Variants in ASXL2 observed in about 807,000 individuals in gnomAD.
The protein encoded by ASXL2 is ASXL transcriptional regulator 2.
ASXL2 carries 23 observed loss-of-function variants against 122.0 expected under a neutral mutation model. That is an observed-to-expected ratio of 0.19 (90% CI 0.14 to 0.27). The LOEUF is 0.27. Ranked by LOEUF, ASXL2 falls within the 10% of genes least tolerant of loss-of-function variation. ASXL2 has a pLI of 1.00. For missense variants in ASXL2, 1,518 were observed against 1,713.8 expected, an observed-to-expected ratio of 0.89 and a Z score of 2.02; for synonymous variants, 650 against 637.0, an observed-to-expected ratio of 1.02 and a Z score of -0.31.
At chr2:25,801,963 A>C (rs570198743) in intron 4 of ASXL2, among the ~76,000 whole-genome samples, 3 of 152,320 alleles carry the variant, frequency 2.0e-5, no homozygotes, top group African/African-American at 7.2e-5. Context: ...CAGGTTTTCA[A>C]AGGCCTCCAA....
intron 2 of ASXL2, among the ~76,000 whole-genome samples, chr2:25,841,215 G>C (rs1332157056): frequency 6.6e-6 from 1 of 152,182 alleles, no homozygotes; most frequent in Non-Finnish European, 1.5e-5. Flanking sequence ...GGGACTGCTT[G>C]ATCCCAAAAG....
chr2:25,856,797 T>A (rs529538641), intron 1 of ASXL2: 59 of 1,240,782 alleles, frequency 4.8e-5, no homozygotes, highest in Non-Finnish European at 6.6e-5. Flanking sequence ...CCTCTTGGGG[T>A]TGGTGACTGT....
At chr2:25,834,941 GCCTCCC>G (rs2089491472) in intron 3 of ASXL2, among the ~76,000 whole-genome samples, 2 of 152,006 alleles carry the variant, frequency 1.3e-5, no homozygotes, top group Non-Finnish European at 2.9e-5. Context: ...TCCTGTCTCA[GCCTCCC>G]GAGTAGCTGG....
Position 25,742,396 on chromosome 2 carries a change from G to C in ASXL2, c.3941C>G (p.Pro1314Arg), listed in dbSNP as rs570805684. 10 of 1,610,384 alleles carry C rather than the reference G, an allele frequency of 6.2e-6. No homozygotes were observed. The African/African-American group carries it at 8.0e-5, about 13-fold the overall frequency. The change falls in exon 13 of 13, where the codon CCG becomes CGG. Residue 1314 changes from proline (P) to arginine (R), a missense_variant. By Grantham distance (103) the Pro-to-Arg change is moderately radical (BLOSUM62 -2). Transcript: ENST00000435504. ...QPLLLPPLQT[P>R]KLYGSPTQIG... ...CTGGGTGGGGCTTCCATACAACTTC[G>C]GGGTTTGCAGGGGTGGAAGGAGTAG...
rs2087900662 is a variant in ASXL2, at chr2:25,744,223, C to T, written c.2114G>A (p.Gly705Asp). 5 of 1,613,926 alleles carry T rather than the reference C, an allele frequency of 3.1e-6. No homozygotes were observed. The highest frequency in any genetic ancestry group is 1.1e-5 in the South Asian group (1 of 91,088). ...PGGGQGPGEGGEGQTARGGSP... is the reference protein window; with the variant it reads ...PGGGQGPGEGDEGQTARGGSP... The stretch of plus-strand genomic sequence containing the variant: ...GCCTCCTCTAGCAGTCTGCCCTTCA[C>T]CACCCTCTCCTGGACCTTGTCCACC... Residue 705 changes from glycine (G) to aspartate (D), a missense_variant, in exon 13 of 13, where the codon GGT (glycine) becomes GAT (aspartate). Physicochemically the swap from Gly to Asp is moderately conservative, Grantham distance 94. Around this residue, in one of 8 missense-constraint regions of ASXL2, gnomAD observed 48 missense variants for 82.1 expected, o/e 0.58. Coordinates refer to ENST00000435504, the MANE Select transcript of ASXL2 (RefSeq NM_018263.6). The surrounding 1 kb of genome is among the most constrained non-coding windows in gnomAD (Gnocchi z 4.7).
chr2:25,770,421 G>GT (rs946174514), intron 6 of ASXL2, among the ~76,000 whole-genome samples: 5 of 152,096 alleles, frequency 3.3e-5, no homozygotes, highest in African/African-American at 1.2e-4. Flanking sequence ...GATTACAGGC[G>GT]TGAGTCACTG....
intron 5 of ASXL2, among the ~76,000 whole-genome samples, chr2:25,798,109 G>T (rs1017504296): frequency 6.6e-6 from 1 of 152,140 alleles, no homozygotes; most frequent in Non-Finnish European, 1.5e-5. Flanking sequence ...CTTATAAGTG[G>T]GAGCTAAATG....
chr2:25,871,740 C>A (rs1256779235), intron 1 of ASXL2, among the ~76,000 whole-genome samples: 1 of 152,110 alleles, frequency 6.6e-6, no homozygotes, highest in Non-Finnish European at 1.5e-5. Flanking sequence ...TACAGGCATG[C>A]GCCACCCACA....
intron 5 of ASXL2, among the ~76,000 whole-genome samples, chr2:25,796,290 C>T (rs924934836): frequency 2.0e-5 from 3 of 152,174 alleles, no homozygotes; most frequent in African/African-American, 7.2e-5. Flanking sequence ...AGACAACTCA[C>T]CTATCATCAC....
chr2:25,821,226 G>A (rs1418094535), intron 3 of ASXL2, among the ~76,000 whole-genome samples: 4 of 151,864 alleles, frequency 2.6e-5, no homozygotes, highest in African/African-American at 9.7e-5. Context: ...GTGTGGTGGT[G>A]TGTTCCCATA....
At chr2:25,781,394 T>G (rs1004773538) in intron 5 of ASXL2, among the ~76,000 whole-genome samples, 2 of 152,008 alleles carry the variant, frequency 1.3e-5, no homozygotes, top group Admixed American at 1.3e-4. Flanking sequence ...AGCAAAACTG[T>G]CTCAAAAAGA....
intron 9 of ASXL2, among the ~76,000 whole-genome samples, chr2:25,757,227 T>A (rs2088149926): frequency 6.6e-6 from 1 of 152,136 alleles, no homozygotes; most frequent in Admixed American, 6.5e-5. Context: ...CTGACAGTAG[T>A]TTGTATTCCA....
chr2:25,772,645 C>T (rs1476909312), intron 5 of ASXL2, among the ~76,000 whole-genome samples: 2 of 141,934 alleles, frequency 1.4e-5, no homozygotes, highest in South Asian at 2.3e-4. Context: ...GGAAGAGAAT[C>T]GCTTGAACCT....
chr2:25,792,952 A>T (rs1053129593), intron 5 of ASXL2, among the ~76,000 whole-genome samples: 2 of 151,858 alleles, frequency 1.3e-5, no homozygotes, highest in Non-Finnish European at 2.9e-5. Context: ...TTTCAGAAAA[A>T]CATTTAAAAC....
chr2:25,777,206 G>A (rs1190750591), intron 5 of ASXL2, among the ~76,000 whole-genome samples: 1 of 151,992 alleles, frequency 6.6e-6, no homozygotes, highest in African/African-American at 2.4e-5. Context: ...TCCTACCTTC[G>A]CCTCCTGAGT....
chr2:25,839,826 A>G (rs2089556422), intron 2 of ASXL2, among the ~76,000 whole-genome samples: 1 of 151,416 alleles, frequency 6.6e-6, no homozygotes, highest in Non-Finnish European at 1.5e-5. Context: ...AGGTACTAAT[A>G]ATACCTCATA....
At chr2:25,838,601 A>G (rs1156811763) in intron 2 of ASXL2, among the ~76,000 whole-genome samples, 1 of 152,346 alleles carries the variant, frequency 6.6e-6, no homozygotes, top group African/African-American at 2.4e-5. Flanking sequence ...CCTGACAAAT[A>G]GTTTGTAATG....
At chr2:25,816,002 T>C (rs926026007) in intron 3 of ASXL2, among the ~76,000 whole-genome samples, 3 of 152,220 alleles carry the variant, frequency 2.0e-5, no homozygotes, top group Admixed American at 6.5e-5. Flanking sequence ...CAATAATGTA[T>C]ATTACATGAT....
At chr2:25,759,680 T>C (rs753322187) in intron 8 of ASXL2, 35 bp from the exon 9 acceptor site, 10 of 1,587,058 alleles carry the variant, frequency 6.3e-6, no homozygotes, top group Non-Finnish European at 8.6e-6. Context: ...TGGGCCTCCC[T>C]CACAAGTCCT....
Sources: allele counts gnomAD v4.1 joint callset (sites outside exome capture counted in the v4.1 genomes callset), GRCh38; gene constraint gnomAD v4.1.1; regional missense constraint gnomAD v4.1.1; non-coding constraint Gnocchi (gnomAD v3.1); transcripts MANE v1.5; gene names NCBI Gene and HGNC (gene_info 2026-07-23, HGNC 2026-07-21).